Variants in TNIK observed in about 807,000 individuals in gnomAD.
The protein encoded by TNIK is TRAF2 and NCK interacting kinase.
TNIK carries 49 observed loss-of-function variants against 191.3 expected under a neutral mutation model. The ratio of observed to expected loss-of-function variants is 0.26; its 90% CI spans 0.20 to 0.32. TNIK has a LOEUF of 0.32. TNIK is among the 10% of genes least tolerant of loss of function. The pLI is 1.00. For synonymous variants in TNIK, 594 were observed against 600.9 expected (o/e 0.99, Z 0.17); for missense variants, 1,155 against 1,702.3 (o/e 0.68, Z 5.66).
intron 2 of TNIK, among the ~76,000 whole-genome samples, chr3:171,316,752 T>C (rs1754639120): frequency 6.6e-6 from 1 of 151,992 alleles, no homozygotes; most frequent in Admixed American, 6.6e-5. Flanking sequence ...GTTCATACAT[T>C]GATCTTTTGT....
Position 171,108,092 on chromosome 3 carries a change from C to T in TNIK, c.2355G>A (p.Arg785=). 1 of 1,574,396 alleles carries T rather than the reference C, an allele frequency of 6.4e-7. No individual in the cohort carries two copies. The highest frequency in any genetic ancestry group is 8.6e-7 in the Non-Finnish European group (1 of 1,158,818). The change falls in exon 20 of 33, where the codon AGG becomes AGA. Residue 785 remains arginine, a synonymous_variant. Transcript: ENST00000436636. ...CTGGTCGACTGGGCCGGGTAATGTCCCTGGATTCTTCTGGTTTCACCTTCG... is the reference window on the plus strand; with the variant it reads ...CTGGTCGACTGGGCCGGGTAATGTCTCTGGATTCTTCTGGTTTCACCTTCG... ...EPAKVKPEES[R]DITRPSRPAS...
chr3:171,361,190 C>T (rs1268044281), intron 2 of TNIK, among the ~76,000 whole-genome samples: 1 of 152,118 alleles, frequency 6.6e-6, no homozygotes, highest in Admixed American at 6.5e-5. Flanking sequence ...AAAACCTTCC[C>T]CAGCCCAACA....
At chr3:171,411,048 CT>C (rs918468482) in intron 1 of TNIK, among the ~76,000 whole-genome samples, 2 of 150,938 alleles carry the variant, frequency 1.3e-5, no homozygotes, top group African/African-American at 4.9e-5. Flanking sequence ...ATGTCCACTC[CT>C]GTAAAACATC....
chr3:171,343,878 T>C (rs1211592245), intron 2 of TNIK, among the ~76,000 whole-genome samples: 3 of 152,184 alleles, frequency 2.0e-5, no homozygotes, highest in Non-Finnish European at 2.9e-5. Context: ...GATGCCTCAC[T>C]CACTTGTTTC....
intron 2 of TNIK, among the ~76,000 whole-genome samples, chr3:171,347,919 A>T (rs1712530101): frequency 6.6e-6 from 1 of 152,170 alleles, no homozygotes; most frequent in African/African-American, 2.4e-5. Flanking sequence ...ATCACTCACT[A>T]GGCTCTAAGA....
intron 18 of TNIK, among the ~76,000 whole-genome samples, chr3:171,112,964 C>G (rs1726074507): frequency 6.6e-6 from 1 of 151,998 alleles, no homozygotes; most frequent in African/African-American, 2.4e-5. Context: ...GGTGAAAAGG[C>G]CTAAGTTTGG....
At chr3:171,294,242 AAAC>A (rs1553881644) in intron 2 of TNIK, among the ~76,000 whole-genome samples, 1 of 143,172 alleles carries the variant, frequency 7.0e-6, no homozygotes, top group African/African-American at 2.5e-5. Flanking sequence ...ACAAACAAAC[AAAC>A]AACAACAAAT....
At chr3:171,295,028 G>GAGGA (rs1752117823) in intron 2 of TNIK, among the ~76,000 whole-genome samples, 3 of 109,620 alleles carry the variant, frequency 2.7e-5, no homozygotes, top group Admixed American at 2.7e-4. Flanking sequence ...AGAGAGAGAG[G>GAGGA]AAAAAAAAAG....
intron 1 of TNIK, among the ~76,000 whole-genome samples, chr3:171,412,199 T>C (rs1256418793): frequency 1.3e-5 from 2 of 152,210 alleles, no homozygotes; most frequent in African/African-American, 4.8e-5. Context: ...TCAAGTTCTT[T>C]CTTGCTTAAC....
At chr3:171,236,816 GGCCCT>G (rs2109021347) in intron 2 of TNIK, among the ~76,000 whole-genome samples, 1 of 152,230 alleles carries the variant, frequency 6.6e-6, no homozygotes, top group Non-Finnish European at 1.5e-5. Context: ...CCTCTCCCCT[GGCCCT>G]GCACAGGGTT....
chr3:171,262,168 G>A (rs1012286438), intron 2 of TNIK, among the ~76,000 whole-genome samples: 4 of 152,054 alleles, frequency 2.6e-5, no homozygotes, highest in African/African-American at 9.7e-5. Flanking sequence ...AGACCTAGAG[G>A]CTTACCTTCC....
intron 12 of TNIK, among the ~76,000 whole-genome samples, chr3:171,148,523 C>T (rs563432610): frequency 6.6e-6 from 1 of 152,232 alleles, no homozygotes; most frequent in East Asian, 1.9e-4. Flanking sequence ...GATGAAACCC[C>T]CAAATTCCTA....
At chr3:171,336,922 T>TAC (rs1757015162) in intron 2 of TNIK, among the ~76,000 whole-genome samples, 1 of 152,042 alleles carries the variant, frequency 6.6e-6, no homozygotes, top group Non-Finnish European at 1.5e-5. Flanking sequence ...GGGAGCTTCA[T>TAC]GCTCCCTGGA....
At chr3:171,127,062 G>A (rs1008405726) in intron 16 of TNIK, among the ~76,000 whole-genome samples, 11 of 152,210 alleles carry the variant, frequency 7.2e-5, no homozygotes, top group African/African-American at 2.7e-4. Flanking sequence ...CATGCTCATC[G>A]TCATATCCCC....
chr3:171,454,006 A>C (rs1433387785), intron 1 of TNIK, among the ~76,000 whole-genome samples: 4 of 152,230 alleles, frequency 2.6e-5, no homozygotes, highest in African/African-American at 9.6e-5. Context: ...TATGTGCAGA[A>C]TAACATTTCA....
intron 2 of TNIK, among the ~76,000 whole-genome samples, chr3:171,362,795 A>G (rs186717076): frequency 2.6e-4 from 40 of 152,328 alleles, no homozygotes; most frequent in African/African-American, 9.6e-4. Flanking sequence ...CAGACTAGGA[A>G]TCCAGCTCAG....
At chr3:171,394,303 C>T (rs1719958163) in intron 1 of TNIK, among the ~76,000 whole-genome samples, 1 of 152,204 alleles carries the variant, frequency 6.6e-6, no homozygotes, top group South Asian at 2.1e-4. Context: ...CTCAATATAC[C>T]AATTTCTCTG....
At chr3:171,302,168 T>A (rs1022651476) in intron 2 of TNIK, among the ~76,000 whole-genome samples, 52 of 152,078 alleles carry the variant, frequency 3.4e-4, no homozygotes, top group Admixed American at 3.4e-3. Flanking sequence ...TTGTGGGTCA[T>A]GGAAAATGGC....
intron 2 of TNIK, among the ~76,000 whole-genome samples, chr3:171,325,441 C>T (rs1213119612): frequency 1.3e-5 from 2 of 152,054 alleles, no homozygotes; most frequent in East Asian, 3.8e-4. Flanking sequence ...TCAGGAAACA[C>T]AATTAAATTT....
Sources: gnomAD v4.1 joint callset for allele counts (sites outside exome capture counted in the v4.1 genomes callset) on GRCh38, gnomAD v4.1.1 for gene constraint, MANE v1.5 for transcripts, NCBI Gene and HGNC (gene_info 2026-07-23, HGNC 2026-07-21) for gene names.